Variants in TBC1D30 observed in about 807,000 individuals in gnomAD.
TBC1D30 encodes the protein TBC1 domain family, member 30.
TBC1D30 carries 31 observed loss-of-function variants against 63.2 expected under a neutral mutation model. That is an observed-to-expected ratio of 0.49 (90% CI 0.37 to 0.66). The LOEUF (loss-of-function observed/expected upper bound fraction) is 0.66, where lower values mean the gene tolerates loss of function less well. Ranked by LOEUF, TBC1D30 falls within the 30% of genes least tolerant of loss-of-function variation. TBC1D30 has a pLI of 0.00. For synonymous variants in TBC1D30, 307 were observed against 361.5 expected, an observed-to-expected ratio of 0.85 and a Z score of 1.71; for missense variants, 810 against 953.6, an observed-to-expected ratio of 0.85 and a Z score of 1.98.
At chr12:64,819,486 G>A (rs933744890) in intron 2 of TBC1D30, among the ~76,000 whole-genome samples, 5 of 144,620 alleles carry the variant, frequency 3.5e-5, no homozygotes, top group African/African-American at 5.1e-5. Flanking sequence ...GCATGATCTC[G>A]GCTCACTGCA....
chr12:64,776,323 A>G (rs1871078972), upstream of TBC1D30, among the ~76,000 whole-genome samples: 1 of 152,182 alleles, frequency 6.6e-6, no homozygotes, highest in Non-Finnish European at 1.5e-5. Flanking sequence ...TCCAGGAGCT[A>G]GTTTTTTTTG....
At chr12:64,804,431 C>T (rs1872749889) in intron 2 of TBC1D30, among the ~76,000 whole-genome samples, 1 of 152,194 alleles carries the variant, frequency 6.6e-6, no homozygotes, top group Non-Finnish European at 1.5e-5. Flanking sequence ...ATGTCACCTG[C>T]AAACAGGGAC....
chr12:64,830,406 G>T lies in TBC1D30; in HGVS notation c.312G>T (p.Leu104Phe), dbSNP rs777553424. The T allele has an allele frequency of 6.5e-7, 1 of 1,533,520 alleles. No individual in the cohort carries two copies. The highest frequency in any genetic ancestry group is 1.2e-5 in the South Asian group (1 of 83,726). The allele number at this position is 1,533,520 out of a possible 1,614,324, so 95.0% of individuals were successfully genotyped here. Residue 104 changes from leucine to phenylalanine, a missense_variant, in exon 4 of 12, where the codon TTG (leucine) becomes TTT (phenylalanine). Leu to Phe is a conservative substitution (Grantham distance 22). This residue lies in a region of TBC1D30 where 272 missense variants were observed against 335.9 expected (regional missense o/e 0.81). Transcript: ENST00000539867. ...GGTTGACCTTGGCAGATCATTATTT[G>T]CACAGTATAGCCATTGACTGGGACA... ...KVWLTLADHY[L>F]HSIAIDWDKT...
chr12:64,866,698 G>A (rs1036059021), intron 9 of TBC1D30, 66 bp from the exon 10 acceptor site: 8 of 1,439,598 alleles, frequency 5.6e-6, no homozygotes, highest in Admixed American at 2.1e-5. Flanking sequence ...CCATGTAACT[G>A]TATTATGTTT....
At position 64,878,509 on chromosome 12, in the gene TBC1D30, A is replaced by G; in HGVS notation, c.*2721A>G. 2.2e-6 allele frequency: 1 copy of G among 456,750 alleles called. No homozygotes were observed. The highest frequency in any genetic ancestry group is 4.4e-6 in the Non-Finnish European group (1 of 226,972). 28.3% of individuals were successfully genotyped at this position (456,750 alleles called of 1,614,324 possible). A position where few individuals can be genotyped will look rare whatever the true frequency, so the allele number is the denominator to read the frequency against. On this transcript the variant is annotated 3_prime_UTR_variant, in exon 12 of 12. Coordinates refer to ENST00000539867, the MANE Select transcript of TBC1D30 (RefSeq NM_015279.2). ...AAAAGCCTCCAGATGATCTAAATCT[A>G]GTTAGCAATGTCAGCCTGTGGACTG...
chr12:64,778,470 G>A (rs987723150), upstream of TBC1D30, among the ~76,000 whole-genome samples: 2 of 151,156 alleles, frequency 1.3e-5, no homozygotes, highest in Non-Finnish European at 2.9e-5. Context: ...AAAGAACAAG[G>A]AAGAGAACTA....
At position 64,802,358 on chromosome 12, in the gene TBC1D30, G is replaced by A. The variant is rs568110911; in HGVS notation, c.643+16313G>A. 3.9e-5 allele frequency among the ~76,000 whole-genome samples: 6 copies of A among 152,194 alleles called. No individual in the cohort carries two copies. The South Asian group carries it at 1.2e-3, about 32-fold the overall frequency. ...CTCGAGCTCTGGGTGGAGACGAAAAGGGTCGCCCACATTTTGCTGCTGTTA... is the reference window on the plus strand; with the variant it reads ...CTCGAGCTCTGGGTGGAGACGAAAAAGGTCGCCCACATTTTGCTGCTGTTA... On this transcript the variant is annotated intron_variant, in intron 2 of 12. Transcript: ENST00000542120.
chr12:64,792,569 T>C (rs1871984990), intron 2 of TBC1D30, among the ~76,000 whole-genome samples: 1 of 152,064 alleles, frequency 6.6e-6, no homozygotes, highest in African/African-American at 2.4e-5. Flanking sequence ...GGCTAGTTAT[T>C]ATTTATTTAT....
At chr12:64,786,184 A>G in intron 2 of TBC1D30, 1 of 448,882 alleles carries the variant, frequency 2.2e-6, no homozygotes, top group Non-Finnish European at 3.6e-6. Flanking sequence ...AACAAGGAAC[A>G]ACTCAGACAG....
intron 2 of TBC1D30, among the ~76,000 whole-genome samples, chr12:64,817,222 C>T (rs969942495): frequency 6.6e-6 from 1 of 152,166 alleles, no homozygotes; most frequent in Non-Finnish European, 1.5e-5. Context: ...GATGACTGCT[C>T]ACAGCGCCAT....
At chr12:64,780,636 C>G (rs780752207) in exon 1 of TBC1D30, among the ~76,000 whole-genome samples, 11 of 152,186 alleles carry the variant, frequency 7.2e-5, no homozygotes, top group Non-Finnish European at 1.3e-4. Context: ...CGGAGGGGAG[C>G]GGCTCAGGTG....
intron 1 of TBC1D30, among the ~76,000 whole-genome samples, chr12:64,762,872 T>C (rs976786315): frequency 3.9e-5 from 6 of 152,216 alleles, no homozygotes; most frequent in Non-Finnish European, 7.3e-5. Flanking sequence ...TCACCTCAGT[T>C]CATTATTGGT....
chr12:64,817,563 G>A (rs1873621082), intron 2 of TBC1D30, among the ~76,000 whole-genome samples: 1 of 152,308 alleles, frequency 6.6e-6, no homozygotes, highest in South Asian at 2.1e-4. Context: ...AACCTGGAGA[G>A]CGAAGGCTTC....
intron 8 of TBC1D30, among the ~76,000 whole-genome samples, chr12:64,845,102 A>G (rs1876245772): frequency 1.3e-5 from 2 of 152,172 alleles, no homozygotes; most frequent in African/African-American, 2.4e-5. Context: ...CTGTTTTGAT[A>G]TACTGATTTC....
intron 1 of TBC1D30, 77 bp from the exon 2 acceptor site, chr12:64,827,758 C>T: frequency 9.7e-7 from 1 of 1,029,554 alleles, no homozygotes; most frequent in Non-Finnish European, 1.4e-6. Context: ...TCAGTAGAAT[C>T]AAGCTTTTAC....
intron 2 of TBC1D30, among the ~76,000 whole-genome samples, chr12:64,804,367 A>G (rs1296105619): frequency 2.6e-5 from 4 of 152,132 alleles, no homozygotes; most frequent in African/African-American, 9.7e-5. Context: ...GAAGTTGTTT[A>G]TCAGCTTAAG....
At chr12:64,822,254 C>T (rs1318027713), upstream of TBC1D30, among the ~76,000 whole-genome samples, 1 of 150,482 alleles carries the variant, frequency 6.6e-6, no homozygotes, top group Non-Finnish European at 1.5e-5. Context: ...AATCATAGCT[C>T]ACTGTAACCT....
chr12:64,769,381 A>ATT (rs757317530), intron 1 of TBC1D30, among the ~76,000 whole-genome samples: 5 of 135,030 alleles, frequency 3.7e-5, no homozygotes, highest in Non-Finnish European at 6.4e-5. Context: ...AATTTTTGTA[A>ATT]TTTTTTTTTT....
At chr12:64,844,252 G>T (rs562185066) in intron 8 of TBC1D30, among the ~76,000 whole-genome samples, 1 of 152,098 alleles carries the variant, frequency 6.6e-6, no homozygotes. Flanking sequence ...GACTTGAAGG[G>T]TTTAGTTATT....
Sources: allele counts gnomAD v4.1 joint callset (sites outside exome capture counted in the v4.1 genomes callset), GRCh38; gene constraint gnomAD v4.1.1; regional missense constraint gnomAD v4.1.1; transcripts MANE v1.5; gene names NCBI Gene and HGNC (gene_info 2026-07-23, HGNC 2026-07-21).